CCDC146: variants seen among roughly 807,000 people sequenced by gnomAD.
CCDC146 encodes the protein coiled-coil domain containing 146.
A neutral mutation model predicts 119.3 loss-of-function variants in CCDC146; 92 were observed. That is an observed-to-expected ratio of 0.77 (90% confidence interval 0.65 to 0.92). The LOEUF (loss-of-function observed/expected upper bound fraction) is 0.92, where lower values mean the gene tolerates loss of function less well. Among genes scored for constraint, CCDC146 ranks in the 40% least tolerant of loss-of-function variants. The pLI is 0.00. For missense variants in CCDC146, 1,000 were observed against 1,103.0 expected (o/e 0.91, Z 1.32); for synonymous variants, 372 against 371.8 (o/e 1.00, Z -0.01).
chr7:77,292,944 A>G lies in CCDC146; in HGVS notation c.2416-8A>G. ...ACATAGACTAAGCTTTGGGCTCTTTAATTCTAGATGAATGGCTATCAAAGA... is the reference window on the plus strand; with the variant it reads ...ACATAGACTAAGCTTTGGGCTCTTTGATTCTAGATGAATGGCTATCAAAGA... On this transcript the variant is annotated splice_polypyrimidine_tract_variant and splice_region_variant and intron_variant, in intron 17 of 18. Transcript: ENST00000285871. The G allele has an allele frequency of 6.2e-7, 1 of 1,612,338 alleles. No individual in the cohort carries two copies. Among genetic ancestry groups the G allele is most frequent in the Non-Finnish European group, 8.5e-7 (1 of 1,179,726 alleles).
At chr7:77,252,787 C>T (rs1229137628) in intron 4 of CCDC146, among the ~76,000 whole-genome samples, 2 of 152,214 alleles carry the variant, frequency 1.3e-5, no homozygotes, top group Non-Finnish European at 2.9e-5. Context: ...AATTTTGTTT[C>T]TCACTCATAG....
chr7:77,275,068 C>T (rs1171095435), intron 11 of CCDC146, among the ~76,000 whole-genome samples: 4 of 28,934 alleles, frequency 1.4e-4, no homozygotes, highest in Non-Finnish European at 1.4e-4. Flanking sequence ...GAAGGAAACT[C>T]AAAAAAAAAA....
In CCDC146 at chr7:77,219,933, A is replaced by G. The variant is rs187254230; in HGVS notation, c.157-17014A>G. ...ATCACAAGGGCAGAGAGGCAGAGAG[A>G]GATCACAAGTCCAGGGCGAAACTAG... On this transcript the variant is annotated intron_variant, in intron 2 of 18. Transcript: ENST00000285871. Among the ~76,000 whole-genome samples the G allele has an allele frequency of 3.9e-5, 6 of 152,310 alleles. No individual in the cohort carries two copies. The East Asian group carries it at 1.2e-3, about 29-fold the overall frequency.
At chr7:77,191,328 TCA>T (rs1300676377) in intron 2 of CCDC146, among the ~76,000 whole-genome samples, 1 of 152,178 alleles carries the variant, frequency 6.6e-6, no homozygotes, top group Non-Finnish European at 1.5e-5. Flanking sequence ...TCACCTATGT[TCA>T]CAGTCTCTCA....
intron 18 of CCDC146, among the ~76,000 whole-genome samples, chr7:77,294,018 T>C (rs1793999249): frequency 6.6e-6 from 1 of 152,226 alleles, no homozygotes; most frequent in Admixed American, 6.5e-5. Flanking sequence ...ACCTGTGGTG[T>C]CCCACTGCCA....
At position 77,263,398 on chromosome 7, in the gene CCDC146, A is replaced by G. The variant is rs1793340098; in HGVS notation, c.1173+1091A>G. ...GGGAGCAGCCGGGAATGCTGAGCCA[A>G]CAGTGGTCTCAGAGTCCTCTTGATT... On this transcript the variant is annotated intron_variant, in intron 9 of 18. Coordinates refer to ENST00000285871, the MANE Select transcript of CCDC146 (RefSeq NM_020879.3). 2.0e-5 allele frequency among the ~76,000 whole-genome samples: 3 copies of G among 152,318 alleles called. 1 individual carries two copies. The highest frequency in any genetic ancestry group is 6.5e-5 in the Admixed American group (1 of 15,302).
At chr7:77,190,004 G>C (rs1027261885) in intron 2 of CCDC146, among the ~76,000 whole-genome samples, 1 of 151,922 alleles carries the variant, frequency 6.6e-6, no homozygotes, top group Non-Finnish European at 1.5e-5. Flanking sequence ...TCTACTACCC[G>C]CTGCATGAGT....
intron 9 of CCDC146, among the ~76,000 whole-genome samples, chr7:77,270,026 T>C (rs1231380213): frequency 2.6e-5 from 4 of 152,178 alleles, no homozygotes; most frequent in African/African-American, 9.7e-5. Flanking sequence ...CCAGAGACAG[T>C]TGTTTGATTC....
chr7:77,199,522 C>A lies in CCDC146; in HGVS notation c.156+31698C>A, dbSNP rs148297585. ...GCAGTCTTGGCAAGATTTCTTTAGA[C>A]TATTTACGATTTCCTTGAGGTTTTG... is the stretch of plus-strand genomic sequence containing the variant. On this transcript the variant is annotated intron_variant, in intron 2 of 18. Coordinates refer to ENST00000285871, the MANE Select transcript of CCDC146 (RefSeq NM_020879.3). 2.5e-4 allele frequency: 396 copies of A among 1,614,140 alleles called. No homozygotes were observed. In the African/African-American group the frequency reaches 4.9e-3, roughly 20 times the overall value.
rs183097273 is a variant in CCDC146, at chr7:77,207,788, G to C, written c.157-29159G>C. On this transcript the variant is annotated intron_variant, in intron 2 of 18. Transcript: ENST00000285871. ...TAGAGATCTGTAAGGTCCTTTTCAGGTGTAACATTTTATGATTCTAAATGT... is the reference window on the plus strand; with the variant it reads ...TAGAGATCTGTAAGGTCCTTTTCAGCTGTAACATTTTATGATTCTAAATGT... Among the ~76,000 whole-genome samples, 245 of 152,172 alleles carry C rather than the reference G, an allele frequency of 1.6e-3. 1 individual carries two copies. Among genetic ancestry groups the C allele is most frequent in the Non-Finnish European group, 2.7e-3 (185 of 68,004 alleles).
At chr7:77,158,284 A>G (rs1404499639) in intron 1 of CCDC146, among the ~76,000 whole-genome samples, 2 of 152,206 alleles carry the variant, frequency 1.3e-5, no homozygotes, top group African/African-American at 4.8e-5. Flanking sequence ...TGATTTAGGC[A>G]TTCTGGAGAT....
At chr7:77,212,486 T>G (rs1792203955) in intron 2 of CCDC146, among the ~76,000 whole-genome samples, 1 of 151,682 alleles carries the variant, frequency 6.6e-6, no homozygotes, top group Admixed American at 6.6e-5. Flanking sequence ...CCGAGTGTGG[T>G]GGCGTGCACC....
At position 77,255,697 on chromosome 7, in the gene CCDC146, C is replaced by T. The variant is rs1289908811; in HGVS notation, c.508-636C>T. 2.0e-5 allele frequency among the ~76,000 whole-genome samples: 3 copies of T among 152,144 alleles called. No homozygotes were observed. The South Asian group carries it at 6.2e-4, about 31-fold the overall frequency. On this transcript the variant is annotated intron_variant, in intron 5 of 18. Transcript: ENST00000285871. ...TCATTAGTAAGAGTAACGTGTAGAC[C>T]TTCTGAGTGTAAGAAGCCTTCTCTC... is the stretch of plus-strand genomic sequence containing the variant.
At chr7:77,287,128 C>G (rs535941508) in intron 16 of CCDC146, 1 of 672,130 alleles carries the variant, frequency 1.5e-6, no homozygotes, top group African/African-American at 1.8e-5. Context: ...CCAGTGGTTT[C>G]GAGATTCCAA....
intron 2 of CCDC146, among the ~76,000 whole-genome samples, chr7:77,189,649 A>T (rs1438977717): frequency 6.6e-6 from 1 of 151,930 alleles, no homozygotes; most frequent in Non-Finnish European, 1.5e-5. Flanking sequence ...TTCATCCCCA[A>T]CCACCCAAGC....
At position 77,285,918 on chromosome 7, in the gene CCDC146, C is replaced by CAATGG. The variant is rs1793839767; in HGVS notation, c.2149-880_2149-879insAATGG. The stretch of plus-strand genomic sequence containing the variant: ...AATAATTAAGAATGTTTTTCTCTTT[C>CAATGG]TTTGGGAAGCCATTAAACCTATTGC... On this transcript the variant is annotated intron_variant, in intron 15 of 18. Coordinates refer to ENST00000285871, the MANE Select transcript of CCDC146 (RefSeq NM_020879.3). Among the ~76,000 whole-genome samples the CAATGG allele has an allele frequency of 5.6e-4, 85 of 152,330 alleles. 1 individual carries two copies. Among genetic ancestry groups the CAATGG allele is most frequent in the Admixed American group, 5.4e-3 (82 of 15,296 alleles).
At chr7:77,288,160 C>T (rs1178858462) in intron 17 of CCDC146, among the ~76,000 whole-genome samples, 4 of 152,142 alleles carry the variant, frequency 2.6e-5, no homozygotes, top group Non-Finnish European at 4.4e-5. Context: ...AGAAGCTGCA[C>T]TGAAAGGAGC....
In CCDC146 at chr7:77,286,296, T is replaced by C. The variant is rs76190866; in HGVS notation, c.2149-502T>C. Among the ~76,000 whole-genome samples, 5 of 152,016 alleles carry C rather than the reference T, an allele frequency of 3.3e-5. No individual in the cohort carries two copies. In the South Asian group the frequency reaches 8.3e-4, roughly 25 times the overall value. ...ACCAGATGTCACTTGAATTCATAGA[T>C]TGAGAACTCACTCATTATTGCAAGG... On this transcript the variant is annotated intron_variant, in intron 15 of 18. Transcript: ENST00000285871.
chr7:77,199,831 G>A (rs374782739), intron 2 of CCDC146: 3 of 1,581,250 alleles, frequency 1.9e-6, no homozygotes, highest in South Asian at 2.3e-5. Context: ...GAGTGCGCAG[G>A]GCTGGAGCTG....
Sources: gnomAD v4.1 joint callset for allele counts (sites outside exome capture counted in the v4.1 genomes callset) on GRCh38, gnomAD v4.1.1 for gene constraint, MANE v1.5 for transcripts, NCBI Gene and HGNC (gene_info 2026-07-23, HGNC 2026-07-21) for gene names.